The following HEMK2 variants were observed in gnomAD, a reference collection of about 807,000 sequenced individuals.
HEMK2 encodes the protein methyltransferase HEMK2.
chr21:28,586,881 G>T, the HEMK2 span, among the ~76,000 whole-genome samples: 1 of 152,128 alleles, frequency 6.6e-6, no homozygotes, highest in African/African-American at 2.4e-5. Flanking sequence ...CCCCACCCAT[G>T]AGGGCTCTGC....
the HEMK2 span, chr21:28,882,290 T>C: frequency 6.7e-7 from 1 of 1,488,816 alleles, no homozygotes; most frequent in Non-Finnish European, 9.3e-7. Flanking sequence ...CCTATGTCCA[T>C]AAGGCAAATC....
the HEMK2 span, among the ~76,000 whole-genome samples, chr21:28,660,889 A>G: frequency 6.6e-6 from 1 of 152,106 alleles, no homozygotes; most frequent in East Asian, 1.9e-4. Flanking sequence ...CTTTGAACGA[A>G]GTATTCAAAT....
At chr21:28,624,148 G>A in the HEMK2 span, among the ~76,000 whole-genome samples, 1 of 152,136 alleles carries the variant, frequency 6.6e-6, no homozygotes, top group Non-Finnish European at 1.5e-5. Flanking sequence ...GAATGTATGA[G>A]CCATTTTTCA....
At chr21:28,777,711 G>T in the HEMK2 span, among the ~76,000 whole-genome samples, 1 of 152,150 alleles carries the variant, frequency 6.6e-6, no homozygotes, top group East Asian at 1.9e-4. Context: ...GACCTTTGTT[G>T]TTAGAATAAA....
chr21:28,848,007 T>G, the HEMK2 span, among the ~76,000 whole-genome samples: 1 of 152,246 alleles, frequency 6.6e-6, no homozygotes, highest in South Asian at 2.1e-4. Context: ...AGTACCATGC[T>G]GTCTCAGTTA....
chr21:28,793,510 T>G, the HEMK2 span, among the ~76,000 whole-genome samples: 1 of 152,220 alleles, frequency 6.6e-6, no homozygotes, highest in African/African-American at 2.4e-5. Context: ...TCAGAGGTTG[T>G]GTGACTGATA....
the HEMK2 span, among the ~76,000 whole-genome samples, chr21:28,776,794 G>A: frequency 6.6e-6 from 1 of 152,192 alleles, no homozygotes; most frequent in African/African-American, 2.4e-5. Flanking sequence ...TCCAGCACGG[G>A]AGAAGGATGA....
At chr21:28,824,777 T>A in the HEMK2 span, among the ~76,000 whole-genome samples, 1 of 152,220 alleles carries the variant, frequency 6.6e-6, no homozygotes, top group Admixed American at 6.5e-5. Flanking sequence ...CTTGGCTTTT[T>A]TGTTGTTGTT....
chr21:28,828,455 G>C, the HEMK2 span, among the ~76,000 whole-genome samples: 1 of 152,130 alleles, frequency 6.6e-6, no homozygotes, highest in Admixed American at 6.6e-5. Flanking sequence ...ATACGAATGA[G>C]GCTCTAAGAA....
At chr21:28,718,079 T>C in the HEMK2 span, among the ~76,000 whole-genome samples, 13 of 152,328 alleles carry the variant, frequency 8.5e-5, no homozygotes, top group East Asian at 2.5e-3. Context: ...AATTTTTCTC[T>C]TAACACTGCT....
chr21:28,594,843 G>A, the HEMK2 span, among the ~76,000 whole-genome samples: 10 of 152,150 alleles, frequency 6.6e-5, 1 homozygote, highest in South Asian at 2.1e-3. Flanking sequence ...CATTTACCAG[G>A]GCTATTAAAC....
chr21:28,667,586 T>A, the HEMK2 span, among the ~76,000 whole-genome samples: 2 of 91,824 alleles, frequency 2.2e-5, no homozygotes, highest in Admixed American at 1.2e-4. Context: ...TCACATTGCA[T>A]CATTGCATGC....
chr21:28,869,472 A>G, the HEMK2 span, among the ~76,000 whole-genome samples: 1 of 152,100 alleles, frequency 6.6e-6, no homozygotes, highest in Non-Finnish European at 1.5e-5. Flanking sequence ...TGTCTAACAC[A>G]ATTATTTAGG....
chr21:28,636,582 C>T, the HEMK2 span, among the ~76,000 whole-genome samples: 2 of 152,122 alleles, frequency 1.3e-5, no homozygotes, highest in African/African-American at 4.8e-5. Flanking sequence ...CTCTGCCTCC[C>T]ACTGCACCAC....
chr21:28,679,616 C>T, the HEMK2 span, among the ~76,000 whole-genome samples: 10 of 152,156 alleles, frequency 6.6e-5, no homozygotes, highest in African/African-American at 2.2e-4. Context: ...AGCACCACAT[C>T]GCACTTATTC....
the HEMK2 span, among the ~76,000 whole-genome samples, chr21:28,876,983 TGGAGGGAGGGAG>T: frequency 6.3e-5 from 5 of 79,666 alleles, no homozygotes; most frequent in African/African-American, 1.3e-4. Flanking sequence ...ACTAAGACAA[TGGAGGGAGGGAG>T]GGAGGGAGGG....
the HEMK2 span, among the ~76,000 whole-genome samples, chr21:28,731,041 C>T: frequency 0.13 from 20,520 of 152,032 alleles, 1,603 homozygotes; most frequent in East Asian, 0.3. Flanking sequence ...ATGGGATACA[C>T]AGCACATGCT....
At chr21:28,749,535 C>T in the HEMK2 span, among the ~76,000 whole-genome samples, 4 of 148,498 alleles carry the variant, frequency 2.7e-5, no homozygotes, top group East Asian at 8.1e-4. Context: ...AAATTCCATA[C>T]AAAATTCCTA....
the HEMK2 span, among the ~76,000 whole-genome samples, chr21:28,844,208 C>G: frequency 2.0e-5 from 3 of 151,838 alleles, no homozygotes; most frequent in Non-Finnish European, 4.4e-5. Context: ...ATTTTATTAA[C>G]AGTCAATACC....
Sources: gnomAD v4.1 joint callset for allele counts (sites outside exome capture counted in the v4.1 genomes callset) on GRCh38, gnomAD v4.1.1 for gene constraint, MANE v1.5 for transcripts, NCBI Gene and HGNC (gene_info 2026-07-23, HGNC 2026-07-21) for gene names.